The following MAN2A2 variants were observed in gnomAD, a reference collection of about 807,000 sequenced individuals.
MAN2A2 encodes mannosidase alpha class 2A member 2.
MAN2A2 carries 79 observed loss-of-function variants against 126.8 expected under a neutral mutation model. The observed-to-expected ratio is 0.62, with a 90% confidence interval of 0.52 to 0.75. The LOEUF (loss-of-function observed/expected upper bound fraction) is 0.75. MAN2A2 is among the 30% of genes least tolerant of loss of function. MAN2A2 has a pLI of 0.00. For missense variants in MAN2A2, 1,392 were observed against 1,522.4 expected (o/e 0.91, Z 1.43); for synonymous variants, 671 against 618.7 (o/e 1.08, Z -1.25).
Position 90,916,139 on chromosome 15 carries a change from C to T in MAN2A2, c.2877C>T (p.Ile959=), listed in dbSNP as rs1415628616. The change falls in exon 20 of 23, where the codon ATC becomes ATT. Residue 959 remains isoleucine, a synonymous_variant. Coordinates refer to ENST00000559717, the MANE Select transcript of MAN2A2 (RefSeq NM_006122.4). The part of the protein sequence containing the change: ...SSLKDGQLEV[I]LDRRLMQDDN... ...CTTCCCCAGGCCAGCTGGAGGTGAT[C>T]TTGGACCGGCGGCTGATGCAGGATG... 4 of 1,614,074 alleles carry T rather than the reference C, an allele frequency of 2.5e-6. No homozygotes were observed. In the South Asian group the frequency reaches 3.3e-5, roughly 13 times the overall value.
At chr15:90,904,023 TACC>T in intron 1 of MAN2A2, 164 bp from the exon 2 acceptor site, 1 of 729,564 alleles carries the variant, frequency 1.4e-6, no homozygotes, top group South Asian at 1.5e-5. Flanking sequence ...GCAGAGCTGC[TACC>T]AGGACCAGGT....
At position 90,910,225 on chromosome 15, in the gene MAN2A2, T is replaced by C. The variant is rs202194051; in HGVS notation, c.1510T>C (p.Trp504Arg). The C allele has an allele frequency of 1.1e-5, 17 of 1,614,072 alleles. No individual in the cohort carries two copies. The highest frequency in any genetic ancestry group is 8.5e-7 in the Non-Finnish European group (1 of 1,180,038). ...CTATGCGGACCGGGAGGATCATTACTGGACAGGCTATTACACTTCCCGGCC... is the reference window on the plus strand; with the variant it reads ...CTATGCGGACCGGGAGGATCATTACCGGACAGGCTATTACACTTCCCGGCC... ...FSYADREDHYWTGYYTSRPFY... is the reference protein window; with the variant it reads ...FSYADREDHYRTGYYTSRPFY... Residue 504 changes from tryptophan to arginine, a missense_variant, in exon 10 of 23, where the codon TGG (tryptophan) becomes CGG (arginine). Transcript: ENST00000559717.
chr15:90,917,586 G>A (rs1249310069), intron 20 of MAN2A2: 1 of 152,892 alleles, frequency 6.5e-6, no homozygotes, highest in South Asian at 2.1e-4. Context: ...ACGGAAGAGG[G>A]TTTAGCATTA....
Position 90,909,345 on chromosome 15 carries a change from C to T in MAN2A2, c.1215C>T (p.Asp405=). Residue 405 remains aspartate, a synonymous_variant, in exon 9 of 23, where the codon GAC becomes GAT. Coordinates refer to ENST00000559717, the MANE Select transcript of MAN2A2 (RefSeq NM_006122.4). ...GCCCCAGGGCAGCCCTGCTTCTGGA[C>T]CAATACCGGAAGAAGTCCCAGCTGT... ...NVAERAALLL[D]QYRKKSQLFR... is the part of the protein sequence containing the mutation. 8 of 1,612,782 alleles carry T rather than the reference C, an allele frequency of 5.0e-6. No individual in the cohort carries two copies. Among genetic ancestry groups the T allele is most frequent in the Non-Finnish European group, 6.8e-6 (8 of 1,178,954 alleles).
chr15:90,903,941 G>A (rs1042502641), intron 1 of MAN2A2: 43 of 516,860 alleles, frequency 8.3e-5, no homozygotes, highest in Non-Finnish European at 1.3e-4. Context: ...GCTCCAGTCG[G>A]AGCTGGGACT....
In MAN2A2 at chr15:90,909,460, C is replaced by A; in HGVS notation, c.1330C>A (p.Arg444=). The stretch of plus-strand genomic sequence containing the variant: ...GGATGCCCAGTTCTTCAACTACCAA[C>A]GGCTCTTTGACTTCTTCAACAGCAG... ...EWDAQFFNYQ[R]LFDFFNSRPN... The change falls in exon 9 of 23, where the codon CGG becomes AGG. Residue 444 remains arginine, a synonymous_variant. Coordinates refer to ENST00000559717, the MANE Select transcript of MAN2A2 (RefSeq NM_006122.4). The A allele has an allele frequency of 6.2e-7, 1 of 1,614,142 alleles. No individual in the cohort carries two copies. Among genetic ancestry groups the A allele is most frequent in the Non-Finnish European group, 8.5e-7 (1 of 1,179,988 alleles).
In MAN2A2 at chr15:90,913,656, A is replaced by C. The variant is rs762950662; in HGVS notation, c.2761A>C (p.Asn921His). Residue 921 changes from asparagine to histidine, a missense_variant, in exon 19 of 23, where the codon AAC becomes CAC. Physicochemically the swap from Asn to His is moderately conservative, Grantham distance 68. Transcript: ENST00000559717. ...TCTGAAGAAGCTCCCCCTCCAGGCC[A>C]ACTTCTACCCCATGCCAGTCATGGC... ...RYLKKLPLQA[N>H]FYPMPVMAYI... The C allele has an allele frequency of 6.2e-7, 1 of 1,612,566 alleles. No homozygotes were observed. The highest frequency in any genetic ancestry group is 1.1e-5 in the South Asian group (1 of 90,626).
chr15:90,907,840 G>A (rs1056643097), intron 8 of MAN2A2, among the ~76,000 whole-genome samples: 1 of 152,154 alleles, frequency 6.6e-6, no homozygotes, highest in East Asian at 1.9e-4. Context: ...AGTCAACCAC[G>A]AGAATCCTGT....
upstream of MAN2A2, chr15:90,902,780 CGGCGCAGCGGAGCGCGCCGGCGGCCCGG>C (rs1389053570): frequency 7.0e-6 from 1 of 143,796 alleles, no homozygotes; most frequent in Non-Finnish European, 1.5e-5. Context: ...CGCGCGGGGC[CGGCGCAGCGGAGCGCGCCGGCGGCCCGG>C]GGCCCAGCGG....
rs1596188633 is a variant in MAN2A2 at position 90,920,140 on chromosome 15, G to C, written c.*353G>C. On this transcript the variant is annotated 3_prime_UTR_variant, in exon 23 of 23. Transcript: ENST00000559717. ...ATAGAAGTGGTGGAAGCAGACAGAAGAGGTAAGGGAGGCTAAGTGGGTAAC... is the reference window on the plus strand; with the variant it reads ...ATAGAAGTGGTGGAAGCAGACAGAACAGGTAAGGGAGGCTAAGTGGGTAAC... 21 of 240,050 alleles carry C rather than the reference G, an allele frequency of 8.7e-5. No individual in the cohort carries two copies. In the South Asian group the frequency reaches 1.3e-3, roughly 15 times the overall value. The allele number at this position is 240,050 out of a possible 1,614,324, so 14.9% of individuals were successfully genotyped here.
intron 1 of MAN2A2, 71 bp from the exon 2 acceptor site, chr15:90,904,119 G>A: frequency 6.5e-7 from 1 of 1,542,764 alleles, no homozygotes. Flanking sequence ...GGAACTCACT[G>A]GGGTATTTGG....
chr15:90,912,296 G>T lies in MAN2A2; in HGVS notation c.2346+17G>T. 1.9e-6 allele frequency: 3 copies of T among 1,613,220 alleles called. No homozygotes were observed. In the South Asian group the frequency reaches 3.3e-5, roughly 18 times the overall value. ...CTCCTCAAGGTAAAAGGCCAGGGTG[G>T]TGGGGAAGGGCCAGGGGCCAGAGTA... On this transcript the variant is annotated intron_variant, in intron 15 of 22. Coordinates refer to ENST00000559717, the MANE Select transcript of MAN2A2 (RefSeq NM_006122.4).
intron 20 of MAN2A2, chr15:90,917,920 A>C: frequency 2.5e-6 from 1 of 405,308 alleles, no homozygotes; most frequent in Non-Finnish European, 4.6e-6. Context: ...GGCTGATGGG[A>C]GTGGGTTGCT....
intron 20 of MAN2A2, 110 bp from the exon 21 acceptor site, chr15:90,918,084 C>G (rs892043130): frequency 1.6e-5 from 17 of 1,055,598 alleles, no homozygotes; most frequent in Non-Finnish European, 2.4e-5. Flanking sequence ...CCAGGCACAC[C>G]AGGAAAGGTC....
At chr15:90,903,643 C>T (rs1302849877) in intron 1 of MAN2A2, 2 of 217,326 alleles carry the variant, frequency 9.2e-6, no homozygotes, top group African/African-American at 4.6e-5. Flanking sequence ...ACAGGGCTTG[C>T]TTTATGCTAG....
At position 90,919,863 on chromosome 15, in the gene MAN2A2, C is replaced by T. The variant is rs117641837; in HGVS notation, c.*76C>T. ...CATGAAGATCATTGGACAAGCCACA[C>T]GGGTATCCCATCCCGATCTGCCTCC... is the stretch of plus-strand genomic sequence containing the variant. On this transcript the variant is annotated 3_prime_UTR_variant, in exon 23 of 23. Coordinates refer to ENST00000559717, the MANE Select transcript of MAN2A2 (RefSeq NM_006122.4). 1.8e-5 allele frequency: 28 copies of T among 1,536,778 alleles called. No individual in the cohort carries two copies. Among genetic ancestry groups the T allele is most frequent in the African/African-American group, 8.2e-5 (6 of 73,434 alleles).
chr15:90,913,791 G>T, intron 19 of MAN2A2, 36 bp downstream of exon 19: 1 of 1,551,608 alleles, frequency 6.4e-7, no homozygotes, highest in Non-Finnish European at 8.7e-7. Flanking sequence ...GAGGGTATCA[G>T]ACAAAAAGAA....
In MAN2A2 at chr15:90,912,121, C is replaced by A; in HGVS notation, c.2188C>A (p.Leu730Met). ...LQLGLDGHRTLPSSVRIYLHG... is the reference protein window; with the variant it reads ...LQLGLDGHRTMPSSVRIYLHG... Reference sequence around the variant, plus strand: ...GCTGGGCCTGGATGGGCACCGCACGCTGCCCTCCTCTGTGCGCATCTACCT... The same window carrying A: ...GCTGGGCCTGGATGGGCACCGCACGATGCCCTCCTCTGTGCGCATCTACCT... Residue 730 changes from leucine to methionine, a missense_variant, in exon 15 of 23, where the codon CTG (leucine) becomes ATG (methionine). Physicochemically the swap from Leu to Met is conservative, Grantham distance 15 (BLOSUM62 2). Transcript: ENST00000559717. 3 of 1,613,732 alleles carry A rather than the reference C, an allele frequency of 1.9e-6. No homozygotes were observed. Among genetic ancestry groups the A allele is most frequent in the Non-Finnish European group, 2.5e-6 (3 of 1,179,964 alleles).
chr15:90,915,735 G>T (rs2035118959), intron 19 of MAN2A2, among the ~76,000 whole-genome samples: 2 of 152,252 alleles, frequency 1.3e-5, no homozygotes, highest in African/African-American at 4.8e-5. Flanking sequence ...TTACGGAGGT[G>T]TGCAGCAACA....
Sources: gnomAD v4.1 joint callset for allele counts (sites outside exome capture counted in the v4.1 genomes callset) on GRCh38, gnomAD v4.1.1 for gene constraint, MANE v1.5 for transcripts, NCBI Gene and HGNC (gene_info 2026-07-23, HGNC 2026-07-21) for gene names.